SLC35F3: variants seen among roughly 807,000 people sequenced by gnomAD.
The protein encoded by SLC35F3 is solute carrier family 35 member F3, also known as putative thiamine transporter SLC35F3.
A neutral mutation model predicts 49.9 loss-of-function variants in SLC35F3; 25 were observed. The observed-to-expected ratio is 0.50, with a 90% CI of 0.37 to 0.70. SLC35F3 has a LOEUF of 0.70. SLC35F3 is among the 30% of genes least tolerant of loss of function. SLC35F3 has a pLI of 0.00. For synonymous variants in SLC35F3, 275 were observed against 265.4 expected, an observed-to-expected ratio of 1.04 and a Z score of -0.35; for missense variants, 525 against 639.8, an observed-to-expected ratio of 0.82 and a Z score of 1.94.
chr1:234,174,188 G>A (rs2102920418), intron 2 of SLC35F3, among the ~76,000 whole-genome samples: 1 of 152,326 alleles, frequency 6.6e-6, no homozygotes, highest in African/African-American at 2.4e-5. Flanking sequence ...GCAACTCTGT[G>A]CCAAAGATGT....
At chr1:233,971,825 C>G (rs1336152104) in intron 2 of SLC35F3, among the ~76,000 whole-genome samples, 1 of 152,120 alleles carries the variant, frequency 6.6e-6, no homozygotes, top group African/African-American at 2.4e-5. Context: ...GCATCGACTG[C>G]ATGAGAGGGA....
intron 3 of SLC35F3, among the ~76,000 whole-genome samples, chr1:234,281,845 G>T (rs1468136846): frequency 6.6e-6 from 1 of 152,128 alleles, no homozygotes; most frequent in Non-Finnish European, 1.5e-5. Flanking sequence ...TGTCTCGGGG[G>T]TAGAGTACAT....
chr1:234,302,166 T>G (rs1668703038), intron 3 of SLC35F3, among the ~76,000 whole-genome samples: 1 of 146,862 alleles, frequency 6.8e-6, no homozygotes, highest in South Asian at 2.1e-4. Flanking sequence ...GTTGTTGTTG[T>G]TGTTTTTTTT....
chr1:233,936,564 T>A (rs1662332688), intron 2 of SLC35F3, among the ~76,000 whole-genome samples: 1 of 151,842 alleles, frequency 6.6e-6, no homozygotes, highest in East Asian at 1.9e-4. Context: ...TTTCTTCTTC[T>A]TCTCCTCCTT....
intron 3 of SLC35F3, among the ~76,000 whole-genome samples, chr1:234,305,383 CTTTT>C (rs60208203): frequency 1.8e-3 from 227 of 124,240 alleles, no homozygotes; most frequent in East Asian, 5.5e-3. Context: ...AGCAGTATTG[CTTTT>C]TTTTTTTTTT....
intron 2 of SLC35F3, among the ~76,000 whole-genome samples, chr1:233,960,622 T>C (rs947178876): frequency 1.3e-5 from 2 of 152,178 alleles, no homozygotes; most frequent in Non-Finnish European, 2.9e-5. Flanking sequence ...AGCATAACTT[T>C]TTAAGTTAGA....
chr1:233,951,891 C>T (rs1392912109), intron 2 of SLC35F3, among the ~76,000 whole-genome samples: 1 of 151,802 alleles, frequency 6.6e-6, no homozygotes, highest in African/African-American at 2.4e-5. Flanking sequence ...TCTTTTATGT[C>T]AAATATATTT....
chr1:234,140,010 A>T (rs1339329423), intron 2 of SLC35F3, among the ~76,000 whole-genome samples: 1 of 150,556 alleles, frequency 6.6e-6, no homozygotes, highest in Non-Finnish European at 1.5e-5. Context: ...AAAGTAAGTG[A>T]CTTGAACACA....
intron 2 of SLC35F3, among the ~76,000 whole-genome samples, chr1:234,110,905 A>G (rs1281050594): frequency 6.6e-6 from 1 of 152,236 alleles, no homozygotes; most frequent in African/African-American, 2.4e-5. Flanking sequence ...GTGGATCCAC[A>G]TTATGGAATT....
rs182460933 is a variant in SLC35F3, at chr1:234,027,493, A to G, written c.283+121735A>G. The stretch of plus-strand genomic sequence containing the variant: ...ATTCAAACCACAGCGATTAACTTTC[A>G]ATTTCAGTCCATTCGGTAGTGGTTT... On this transcript the variant is annotated intron_variant, in intron 2 of 7. Coordinates refer to ENST00000366618, the MANE Select transcript of SLC35F3 (RefSeq NM_173508.4). This position sits in a 1 kb window ranked among gnomAD's most constrained non-coding sequence, Gnocchi z 4.1. 6.6e-6 allele frequency among the ~76,000 whole-genome samples: 1 copy of G among 152,176 alleles called. No homozygotes were observed. The highest frequency in any genetic ancestry group is 2.1e-4 in the South Asian group (1 of 4,826).
At chr1:233,945,101 A>T (rs908253399) in intron 2 of SLC35F3, among the ~76,000 whole-genome samples, 1 of 152,016 alleles carries the variant, frequency 6.6e-6, no homozygotes, top group Non-Finnish European at 1.5e-5. Flanking sequence ...TTGAAAATCC[A>T]TACAAGGAGA....
intron 2 of SLC35F3, among the ~76,000 whole-genome samples, chr1:234,140,035 G>A (rs1160931696): frequency 1.4e-5 from 2 of 138,976 alleles, no homozygotes; most frequent in African/African-American, 5.1e-5. Flanking sequence ...CTGAGATACT[G>A]CAACTGTCTA....
chr1:234,078,823 G>C (rs1664834848), intron 2 of SLC35F3, among the ~76,000 whole-genome samples: 1 of 152,196 alleles, frequency 6.6e-6, no homozygotes, highest in South Asian at 2.1e-4. Context: ...AGCAGTCACT[G>C]AACAAGGACA....
chr1:233,933,697 T>C (rs58670570), intron 2 of SLC35F3, among the ~76,000 whole-genome samples: 10,460 of 152,160 alleles, frequency 0.069, 415 homozygotes, highest in South Asian at 0.13. Flanking sequence ...ATAAGTTAGT[T>C]GGGTGTGGTG....
intron 2 of SLC35F3, among the ~76,000 whole-genome samples, chr1:234,041,966 G>A (rs768790461): frequency 3.3e-5 from 5 of 152,260 alleles, no homozygotes; most frequent in Non-Finnish European, 5.9e-5. Flanking sequence ...CTTTATGCAC[G>A]TGCATGTCCC....
At chr1:234,205,757 C>T (rs992500836) in intron 2 of SLC35F3, among the ~76,000 whole-genome samples, 1 of 152,186 alleles carries the variant, frequency 6.6e-6, no homozygotes, top group Non-Finnish European at 1.5e-5. Flanking sequence ...CAAAGTAAGC[C>T]AGCACCAAGC....
chr1:234,277,860 A>C (rs944286245), intron 3 of SLC35F3, among the ~76,000 whole-genome samples: 5 of 152,236 alleles, frequency 3.3e-5, no homozygotes, highest in Admixed American at 6.5e-5. Flanking sequence ...AGAAGTTATT[A>C]ACTCTAAAAG....
At chr1:234,132,123 G>T (rs1296565949) in intron 2 of SLC35F3, among the ~76,000 whole-genome samples, 1 of 152,130 alleles carries the variant, frequency 6.6e-6, no homozygotes, top group Non-Finnish European at 1.5e-5. Context: ...TAACAAGATG[G>T]AAGTCAGATA....
chr1:234,085,921 T>A (rs1664953130), intron 2 of SLC35F3, among the ~76,000 whole-genome samples: 1 of 152,220 alleles, frequency 6.6e-6, no homozygotes, highest in East Asian at 1.9e-4. Flanking sequence ...TAGTTGATAT[T>A]AGGCATAACT....
Sources: gnomAD v4.1 joint callset for allele counts (sites outside exome capture counted in the v4.1 genomes callset) on GRCh38, gnomAD v4.1.1 for gene constraint, Gnocchi (gnomAD v3.1) non-coding constraint, MANE v1.5 for transcripts, NCBI Gene and HGNC (gene_info 2026-07-23, HGNC 2026-07-21) for gene names.